The following NRROS variants were observed in gnomAD, a reference collection of about 807,000 sequenced individuals.
The protein encoded by NRROS is negative regulator of reactive oxygen species.
In NRROS, 6 loss-of-function variants were observed where a neutral mutation model predicts 12.0. That is an observed-to-expected ratio of 0.50 (90% CI 0.27 to 0.98). NRROS has a LOEUF of 0.98. Ranked by LOEUF, NRROS falls within the 50% of genes least tolerant of loss-of-function variation. The pLI, the probability that NRROS is intolerant of heterozygous loss-of-function variation, is 0.11. For missense variants in NRROS, 857 were observed against 888.2 expected, an observed-to-expected ratio of 0.96 and a Z score of 0.45; for synonymous variants, 462 against 410.2, an observed-to-expected ratio of 1.13 and a Z score of -1.53.
At chr3:196,642,166 G>T (rs1260419422) in intron 1 of NRROS, among the ~76,000 whole-genome samples, 2 of 151,946 alleles carry the variant, frequency 1.3e-5, no homozygotes, top group East Asian at 1.9e-4. Flanking sequence ...GGACATCAGT[G>T]CTTGGATCTT....
rs1434199628 is a variant in NRROS at position 196,661,363 on chromosome 3, C to T, written c.1720C>T (p.Pro574Ser). 1 of 1,575,012 alleles carries T rather than the reference C, an allele frequency of 6.3e-7. No homozygotes were observed. Among genetic ancestry groups the T allele is most frequent in the Admixed American group, 1.8e-5 (1 of 55,984 alleles). ...CCGTAGAAACTCGCTCACAGCCCTT[C>T]CCCAGAAGGCTGTGTCTGAGCAGCT... is the stretch of plus-strand genomic sequence containing the variant. ...DLRRNSLTAL[P>S]QKAVSEQLSR... Residue 574 changes from proline to serine, a missense_variant, in exon 3 of 3, where the codon CCC (proline) becomes TCC (serine). Coordinates refer to ENST00000328557, the MANE Select transcript of NRROS (RefSeq NM_198565.3).
rs751875271 is a variant in NRROS at position 196,661,755 on chromosome 3, C to G, written c.*33C>G. The G allele has an allele frequency of 6.5e-7, 1 of 1,543,038 alleles. No homozygotes were observed. The highest frequency in any genetic ancestry group is 8.7e-7 in the Non-Finnish European group (1 of 1,143,076). On this transcript the variant is annotated 3_prime_UTR_variant, in exon 3 of 3. Transcript: ENST00000328557. Reference sequence around the variant, plus strand: ...GTGTGCCAAGACTCGAAATTCGGTCCGCACACAACAGGACACTTTCTCTGC... The same window carrying G: ...GTGTGCCAAGACTCGAAATTCGGTCGGCACACAACAGGACACTTTCTCTGC...
At chr3:196,656,505 G>T (rs1385836793) in intron 2 of NRROS, among the ~76,000 whole-genome samples, 1 of 152,174 alleles carries the variant, frequency 6.6e-6, no homozygotes, top group Non-Finnish European at 1.5e-5. Context: ...ACATCATGCT[G>T]TGTTGACTGA....
At position 196,659,773 on chromosome 3, in the gene NRROS, C is replaced by T. The variant is rs556333034; in HGVS notation, c.130C>T (p.Arg44Ter). The change falls in exon 3 of 3, where the codon CGA (arginine) becomes TGA (stop). Residue 44 changes from arginine to a stop codon, truncating the protein, a stop_gained. Coordinates refer to ENST00000328557, the MANE Select transcript of NRROS (RefSeq NM_198565.3). LOFTEE classifies it low-confidence loss of function (END_TRUNC). The part of the protein sequence containing the change: ...CKLVGGAADC[R>*]GQSLASVPSS... Reference sequence around the variant, plus strand: ...GCAGGTGGGTGGAGCCGCTGACTGCCGAGGGCAGAGCCTCGCTTCGGTGCC... The same window carrying T: ...GCAGGTGGGTGGAGCCGCTGACTGCTGAGGGCAGAGCCTCGCTTCGGTGCC... 1.2e-6 allele frequency: 2 copies of T among 1,611,286 alleles called. No individual in the cohort carries two copies. Among genetic ancestry groups the T allele is most frequent in the Admixed American group, 3.3e-5 (2 of 59,802 alleles).
intron 1 of NRROS, among the ~76,000 whole-genome samples, chr3:196,645,291 G>A (rs1027476970): frequency 6.6e-6 from 1 of 152,090 alleles, no homozygotes; most frequent in African/African-American, 2.4e-5. Flanking sequence ...AGAGCGTGTG[G>A]GCATGCGTGA....
rs1737691356 is a variant in NRROS at position 196,661,732 on chromosome 3, G to A, written c.*10G>A. ...GTCCTCCGTTTACTGACCTGGCTGT[G>A]TGCCAAGACTCGAAATTCGGTCCGC... On this transcript the variant is annotated 3_prime_UTR_variant, in exon 3 of 3. Coordinates refer to ENST00000328557, the MANE Select transcript of NRROS (RefSeq NM_198565.3). 1 of 1,574,072 alleles carries A rather than the reference G, an allele frequency of 6.4e-7. No individual in the cohort carries two copies. Among genetic ancestry groups the A allele is most frequent in the East Asian group, 2.3e-5 (1 of 44,322 alleles).
intron 1 of NRROS, among the ~76,000 whole-genome samples, chr3:196,641,973 A>G (rs1321407570): frequency 1.3e-5 from 2 of 152,208 alleles, no homozygotes; most frequent in Non-Finnish European, 2.9e-5. Context: ...GTGTCATCGC[A>G]CATCAGTGAC....
chr3:196,660,376 G>T lies in NRROS; in HGVS notation c.733G>T (p.Gly245Trp), dbSNP rs369486724. ...CGTCCTGGAGTGGTTCCTCGCGACC[G>T]GGGGAGAGGCTGCCTTCGAGCTGGA... Reference protein sequence around the residue: ...YNVLEWFLATGGEAAFELETL... With the variant: ...YNVLEWFLATWGEAAFELETL... Residue 245 changes from glycine (G) to tryptophan (W), a missense_variant, in exon 3 of 3, where the codon GGG (glycine) becomes TGG (tryptophan). Transcript: ENST00000328557. The surrounding 1 kb of genome is among the most constrained non-coding windows in gnomAD (Gnocchi z 7.7). 1.2e-6 allele frequency: 2 copies of T among 1,613,942 alleles called. No individual in the cohort carries two copies. Among genetic ancestry groups the T allele is most frequent in the Non-Finnish European group, 8.5e-7 (1 of 1,179,992 alleles).
chr3:196,660,207 G>T lies in NRROS; in HGVS notation c.564G>T (p.Leu188=), dbSNP rs1737636356. 6.2e-7 allele frequency: 1 copy of T among 1,613,258 alleles called. No homozygotes were observed. Among genetic ancestry groups the T allele is most frequent in the African/African-American group, 1.3e-5 (1 of 74,934 alleles). ...EGLERLRELD[L]QRNYIFEIEG... ...TGGAGCGTCTCCGGGAGCTGGATCTGCAGAGGAACTACATCTTCGAGATCG... is the reference window on the plus strand; with the variant it reads ...TGGAGCGTCTCCGGGAGCTGGATCTTCAGAGGAACTACATCTTCGAGATCG... The change falls in exon 3 of 3, where the codon CTG becomes CTT. Residue 188 remains leucine, a synonymous_variant. Transcript: ENST00000328557. The surrounding 1 kb of genome is among the most constrained non-coding windows in gnomAD (Gnocchi z 7.7).
rs150934703 is a variant in NRROS at position 196,654,443 on chromosome 3, G to A, written c.-13-84G>A. The A allele has an allele frequency of 2.6e-3, 2,176 of 825,622 alleles. 1 individual carries two copies. Among genetic ancestry groups the A allele is most frequent in the Middle Eastern group, 6.6e-3 (30 of 4,536 alleles). 51.1% of individuals were successfully genotyped at this position (825,622 alleles called of 1,614,324 possible). A position where few individuals can be genotyped will look rare whatever the true frequency, so the allele number is the denominator to read the frequency against. ...AGAGCTCCAAGACCACATAGAATTG[G>A]AACTGGCTCCTTCTGCCGATAATAC... On this transcript the variant is annotated intron_variant, in intron 1 of 2. Coordinates refer to ENST00000328557, the MANE Select transcript of NRROS (RefSeq NM_198565.3). The surrounding 1 kb of genome is among the most constrained non-coding windows in gnomAD (Gnocchi z 4.4).
intron 1 of NRROS, among the ~76,000 whole-genome samples, chr3:196,649,596 C>T (rs937725798): frequency 3.3e-5 from 5 of 152,116 alleles, no homozygotes; most frequent in African/African-American, 7.2e-5. Flanking sequence ...CTCAGCCTCC[C>T]GAGTAGCTGG....
At chr3:196,640,125 T>C (rs1737180564) in intron 1 of NRROS, among the ~76,000 whole-genome samples, 1 of 152,176 alleles carries the variant, frequency 6.6e-6, no homozygotes, top group South Asian at 2.1e-4. Flanking sequence ...TGGTGCGACG[T>C]AGTGGAAACC....
chr3:196,661,021 A>G lies in NRROS; in HGVS notation c.1378A>G (p.Asn460Asp). The change falls in exon 3 of 3, where the codon AAT becomes GAT. Residue 460 changes from asparagine (N) to aspartate (D), a missense_variant. Physicochemically the swap from Asn to Asp is conservative, Grantham distance 23 (BLOSUM62 1). Transcript: ENST00000328557. ...CCCCCCTAGCTGTGTGGATTTCAGG[A>G]ATATGGCATCTTTAAGGAGCCTGTC... Reference protein sequence around the residue: ...VGPPSCVDFRNMASLRSLSLE... With the variant: ...VGPPSCVDFRDMASLRSLSLE... 3 of 1,614,074 alleles carry G rather than the reference A, an allele frequency of 1.9e-6. No homozygotes were observed. Among genetic ancestry groups the G allele is most frequent in the Non-Finnish European group, 2.5e-6 (3 of 1,179,994 alleles).
intron 1 of NRROS, among the ~76,000 whole-genome samples, chr3:196,651,793 C>T (rs1737433617): frequency 6.6e-6 from 1 of 152,018 alleles, no homozygotes; most frequent in Non-Finnish European, 1.5e-5. Flanking sequence ...CGAACAAAAA[C>T]AAAGAGGAGG....
At chr3:196,646,509 G>A (rs981108709) in intron 1 of NRROS, among the ~76,000 whole-genome samples, 1 of 152,200 alleles carries the variant, frequency 6.6e-6, no homozygotes, top group South Asian at 2.1e-4. Context: ...CCAGATGGCA[G>A]CCTGTGGGCA....
At position 196,654,912 on chromosome 3, in the gene NRROS, C is replaced by T; in HGVS notation, c.108+265C>T. The T allele has an allele frequency of 2.6e-6, 1 of 383,564 alleles. No homozygotes were observed. The highest frequency in any genetic ancestry group is 5.0e-5 in the East Asian group (1 of 20,008). 23.8% of individuals were successfully genotyped at this position (383,564 alleles called of 1,614,324 possible). A position where few individuals can be genotyped will look rare whatever the true frequency, so the allele number is the denominator to read the frequency against. The stretch of plus-strand genomic sequence containing the variant: ...GGCATCCGAGACCAGCCTAGGGCAT[C>T]CTCCCGGAACAAGAACAACTTGTTA... On this transcript the variant is annotated intron_variant, in intron 2 of 2. Transcript: ENST00000328557. The surrounding 1 kb of genome is among the most constrained non-coding windows in gnomAD (Gnocchi z 4.4).
At chr3:196,646,798 A>AGAGAACCG (rs1196361241) in intron 1 of NRROS, among the ~76,000 whole-genome samples, 1 of 152,228 alleles carries the variant, frequency 6.6e-6, no homozygotes, top group South Asian at 2.1e-4. Context: ...CAGGCTGACC[A>AGAGAACCG]GAGAACCGGA....
intron 1 of NRROS, among the ~76,000 whole-genome samples, chr3:196,645,916 C>T (rs928682100): frequency 2.6e-5 from 4 of 152,224 alleles, no homozygotes; most frequent in Non-Finnish European, 5.9e-5. Flanking sequence ...CACCAGCTTG[C>T]TGTTTGCACA....
At chr3:196,642,244 T>C (rs1200706892) in intron 1 of NRROS, among the ~76,000 whole-genome samples, 1 of 151,576 alleles carries the variant, frequency 6.6e-6, no homozygotes, top group African/African-American at 2.4e-5. Flanking sequence ...ATAGATTGGT[T>C]TGGTAGCAAA....
Sources: allele counts gnomAD v4.1 joint callset (sites outside exome capture counted in the v4.1 genomes callset), GRCh38; gene constraint gnomAD v4.1.1; non-coding constraint Gnocchi (gnomAD v3.1); transcripts MANE v1.5; gene names NCBI Gene and HGNC (gene_info 2026-07-23, HGNC 2026-07-21).